EFHD1: variants seen among roughly 807,000 people sequenced by gnomAD.
EFHD1 encodes the protein EF-hand domain family member D1.
In EFHD1, 10 loss-of-function variants were observed where a neutral mutation model predicts 17.2. That is an observed-to-expected ratio of 0.58 (90% CI 0.36 to 0.99). The LOEUF (loss-of-function observed/expected upper bound fraction) is 0.99, where lower values mean the gene tolerates loss of function less well. Ranked by LOEUF, EFHD1 falls within the 50% of genes least tolerant of loss-of-function variation. The pLI, the probability that EFHD1 is intolerant of heterozygous loss-of-function variation, is 0.01. For synonymous variants in EFHD1, 153 were observed against 142.0 expected, an observed-to-expected ratio of 1.08 and a Z score of -0.55; for missense variants, 310 against 327.5, an observed-to-expected ratio of 0.95 and a Z score of 0.41.
intron 1 of EFHD1, among the ~76,000 whole-genome samples, chr2:232,647,119 C>T (rs552938858): frequency 6.6e-6 from 1 of 152,366 alleles, no homozygotes; most frequent in East Asian, 1.9e-4. Context: ...AGGTTGTGCA[C>T]AAGACCTCAT....
In EFHD1 at chr2:232,640,668, G is replaced by T. The variant is rs1219173181; in HGVS notation, c.302+6662G>T. On this transcript the variant is annotated intron_variant, in intron 1 of 3. Transcript: ENST00000264059. ...AACATGATGCTGTTTGGATGGGAGGGATGTCACTCCCCGAGAAGCCACCCA... is the reference window on the plus strand; with the variant it reads ...AACATGATGCTGTTTGGATGGGAGGTATGTCACTCCCCGAGAAGCCACCCA... Among the ~76,000 whole-genome samples the T allele has an allele frequency of 2.6e-5, 4 of 152,146 alleles. No individual in the cohort carries two copies. The East Asian group carries it at 7.7e-4, about 29-fold the overall frequency.
intron 1 of EFHD1, among the ~76,000 whole-genome samples, chr2:232,648,133 G>T (rs1445237293): frequency 6.6e-6 from 1 of 152,138 alleles, no homozygotes; most frequent in African/African-American, 2.4e-5. Flanking sequence ...TCCCAGCTAG[G>T]CAGGAGGCTG....
chr2:232,657,553 T>TA (rs1443447990), intron 1 of EFHD1, among the ~76,000 whole-genome samples: 1 of 152,144 alleles, frequency 6.6e-6, no homozygotes. Context: ...CTCACGCCTG[T>TA]AATCCCTGCA....
intron 2 of EFHD1, among the ~76,000 whole-genome samples, chr2:232,670,657 T>C (rs1263345313): frequency 2.3e-5 from 3 of 133,236 alleles, no homozygotes; most frequent in South Asian, 2.5e-4. Context: ...AATATTTACA[T>C]GGTTAAAAAA....
Position 232,633,797 on chromosome 2 carries a change from C to T in EFHD1, c.93C>T (p.Ala31=). Residue 31 remains alanine (A), a synonymous_variant, in exon 1 of 4, where the codon GCC becomes GCT. Coordinates refer to ENST00000264059, the MANE Select transcript of EFHD1 (RefSeq NM_025202.4). ...ESGPQLAPLG[A]PAPEPKPEPE... ...GCCCCCAGCTGGCTCCCCTCGGCGC[C>T]CCAGCCCCGGAGCCCAAGCCCGAGC... 2 of 1,458,818 alleles carry T rather than the reference C, an allele frequency of 1.4e-6. No homozygotes were observed. The highest frequency in any genetic ancestry group is 1.8e-6 in the Non-Finnish European group (2 of 1,114,478). 90.4% of individuals were successfully genotyped at this position (1,458,818 alleles called of 1,614,324 possible). A position where few individuals can be genotyped will look rare whatever the true frequency, so the allele number is the denominator to read the frequency against.
chr2:232,658,627 G>C (rs1694804986), intron 1 of EFHD1, among the ~76,000 whole-genome samples: 1 of 152,184 alleles, frequency 6.6e-6, no homozygotes, highest in African/African-American at 2.4e-5. Flanking sequence ...TCCATCACCT[G>C]ATGAGTGAAG....
intron 1 of EFHD1, among the ~76,000 whole-genome samples, chr2:232,640,737 G>A (rs920291930): frequency 4.6e-5 from 7 of 152,216 alleles, no homozygotes; most frequent in African/African-American, 1.7e-4. Flanking sequence ...AGCAGACCCT[G>A]AGAGGATGTG....
At chr2:232,619,680 G>T (rs1252735330) in intron 1 of EFHD1, among the ~76,000 whole-genome samples, 2 of 152,090 alleles carry the variant, frequency 1.3e-5, no homozygotes, top group Admixed American at 6.6e-5. Flanking sequence ...CTAGAAAGAG[G>T]TGGTGGTTGC....
intron 1 of EFHD1, among the ~76,000 whole-genome samples, chr2:232,654,576 G>A (rs1363591497): frequency 2.6e-5 from 4 of 151,672 alleles, no homozygotes; most frequent in Non-Finnish European, 4.4e-5. Flanking sequence ...GTGGGTATCC[G>A]CCACCCCACC....
At chr2:232,675,124 C>T (rs1695145390) in intron 3 of EFHD1, among the ~76,000 whole-genome samples, 2 of 147,094 alleles carry the variant, frequency 1.4e-5, no homozygotes, top group African/African-American at 5.0e-5. Flanking sequence ...TGCAGTGAGC[C>T]GAGATCGTGT....
chr2:232,646,277 T>C (rs916342823), intron 1 of EFHD1, among the ~76,000 whole-genome samples: 2 of 151,816 alleles, frequency 1.3e-5, no homozygotes, highest in Admixed American at 6.6e-5. Flanking sequence ...GCTGTCACAG[T>C]CTTCTCTCTC....
At chr2:232,634,115 A>G in intron 1 of EFHD1, 109 bp downstream of exon 1, 2 of 1,487,020 alleles carry the variant, frequency 1.3e-6, no homozygotes, top group South Asian at 2.6e-5. Flanking sequence ...CCCGGGGTGC[A>G]GGTAGCATTT....
At chr2:232,667,781 C>G (rs966210012) in intron 2 of EFHD1, among the ~76,000 whole-genome samples, 2 of 152,146 alleles carry the variant, frequency 1.3e-5, no homozygotes, top group African/African-American at 4.8e-5. Flanking sequence ...TGGTCTCAAA[C>G]TCCTGACCTC....
intron 1 of EFHD1, among the ~76,000 whole-genome samples, chr2:232,613,076 A>G (rs1338213684): frequency 2.6e-5 from 4 of 151,822 alleles, no homozygotes; most frequent in South Asian, 2.1e-4. Context: ...AGCATACACT[A>G]TCCCATTCCT....
intron 1 of EFHD1, among the ~76,000 whole-genome samples, chr2:232,611,200 G>A (rs1693810285): frequency 6.6e-6 from 1 of 151,958 alleles, no homozygotes; most frequent in South Asian, 2.1e-4. Flanking sequence ...TGAACTCCTG[G>A]CCTTGAGAGT....
At chr2:232,662,972 A>G (rs1251546285) in intron 2 of EFHD1, 23 bp downstream of exon 2, 9 of 1,557,822 alleles carry the variant, frequency 5.8e-6, no homozygotes, top group Non-Finnish European at 7.8e-6. Context: ...TGTGGCCCTG[A>G]GCCCCTGTGG....
chr2:232,631,703 AAAAC>A (rs769099681), upstream of EFHD1, among the ~76,000 whole-genome samples: 2 of 139,360 alleles, frequency 1.4e-5, no homozygotes, highest in African/African-American at 3.1e-5. Context: ...AAAAAAAAAA[AAAAC>A]AAAAACAAAA....
At chr2:232,613,435 A>G (rs1039278351) in intron 1 of EFHD1, among the ~76,000 whole-genome samples, 2 of 152,238 alleles carry the variant, frequency 1.3e-5, no homozygotes, top group South Asian at 4.1e-4. Context: ...AGAAAGAAGC[A>G]TATGTCCACA....
At chr2:232,665,652 C>A (rs1189746384) in intron 2 of EFHD1, among the ~76,000 whole-genome samples, 2 of 152,150 alleles carry the variant, frequency 1.3e-5, no homozygotes, top group East Asian at 3.8e-4. Context: ...GAACTCCTGG[C>A]CTCAGGCAGT....
Sources: allele counts gnomAD v4.1 joint callset (sites outside exome capture counted in the v4.1 genomes callset), GRCh38; gene constraint gnomAD v4.1.1; transcripts MANE v1.5; gene names NCBI Gene and HGNC (gene_info 2026-07-23, HGNC 2026-07-21).